The following VPS8 variants were observed in gnomAD, a reference collection of about 807,000 sequenced individuals.
VPS8 encodes VPS8 subunit of CORVET complex, also known as vacuolar protein sorting-associated protein 8 homolog.
A neutral mutation model predicts 216.4 loss-of-function variants in VPS8; 129 were observed. The observed-to-expected ratio is 0.60, with a 90% CI of 0.52 to 0.69. The LOEUF (loss-of-function observed/expected upper bound fraction) is 0.69, where lower values mean the gene tolerates loss of function less well. Among genes scored for constraint, VPS8 ranks in the 30% least tolerant of loss-of-function variants. VPS8 has a pLI of 0.00. For missense variants in VPS8, 1,531 were observed against 1,683.5 expected (o/e 0.91, Z 1.59); for synonymous variants, 571 against 565.4 (o/e 1.01, Z -0.14).
chr3:184,892,882 C>A (rs1732633066), intron 22 of VPS8, among the ~76,000 whole-genome samples: 1 of 152,156 alleles, frequency 6.6e-6, no homozygotes, highest in Non-Finnish European at 1.5e-5. Context: ...TTTAACAACA[C>A]ATTACAGAGT....
chr3:184,919,999 A>C, intron 28 of VPS8, 128 bp from the exon 29 acceptor site: 1 of 683,328 alleles, frequency 1.5e-6, no homozygotes, highest in Non-Finnish European at 2.4e-6. Flanking sequence ...GTATAAGACA[A>C]AACCTAATGA....
At chr3:184,847,877 G>C (rs945404125) in intron 8 of VPS8, among the ~76,000 whole-genome samples, 1 of 152,084 alleles carries the variant, frequency 6.6e-6, no homozygotes, top group Non-Finnish European at 1.5e-5. Context: ...TAATCTAATA[G>C]ATATTTGAAT....
intron 36 of VPS8, among the ~76,000 whole-genome samples, chr3:184,948,304 G>C (rs908676239): frequency 6.6e-6 from 1 of 150,584 alleles, no homozygotes; most frequent in South Asian, 2.1e-4. Flanking sequence ...TACAGGCCAA[G>C]AATTCAAGAC....
chr3:184,874,870 G>A (rs1728963825), intron 21 of VPS8, among the ~76,000 whole-genome samples: 2 of 152,232 alleles, frequency 1.3e-5, no homozygotes, highest in African/African-American at 2.4e-5. Flanking sequence ...GTAGAAGGCT[G>A]TCCTATGGGA....
Position 184,901,017 on chromosome 3 carries a change from G to A in VPS8, c.2146+45G>A, listed in dbSNP as rs375937035. The A allele has an allele frequency of 1.5e-4, 236 of 1,555,832 alleles. No homozygotes were observed. The African/African-American group carries it at 2.7e-3, about 18-fold the overall frequency. On this transcript the variant is annotated intron_variant, in intron 25 of 47. Coordinates refer to ENST00000625842, the MANE Select transcript of VPS8 (RefSeq NM_001009921.3). The stretch of plus-strand genomic sequence containing the variant: ...TAATTTTTTGCTTTCCTGTATTTAA[G>A]GTATTATTTAAATGTTACAAAATTG...
intron 42 of VPS8, among the ~76,000 whole-genome samples, chr3:184,983,771 C>T (rs1750592614): frequency 6.6e-6 from 1 of 151,388 alleles, no homozygotes; most frequent in African/African-American, 2.4e-5. Flanking sequence ...CATACATGTG[C>T]ATGCACCCCG....
chr3:184,893,749 A>G (rs1005556143), intron 22 of VPS8, among the ~76,000 whole-genome samples: 6 of 152,334 alleles, frequency 3.9e-5, no homozygotes, highest in Admixed American at 1.3e-4. Context: ...AAGCCCTTCA[A>G]ATGGGAAAGG....
At chr3:184,910,627 G>A (rs1736336492) in intron 25 of VPS8, among the ~76,000 whole-genome samples, 1 of 152,136 alleles carries the variant, frequency 6.6e-6, no homozygotes, top group South Asian at 2.1e-4. Context: ...GACAATTTGG[G>A]GATCTCTTCT....
intron 2 of VPS8, 129 bp downstream of exon 2, chr3:184,824,914 T>TC: frequency 1.1e-6 from 1 of 906,790 alleles, no homozygotes. Context: ...AATTTTTTTT[T>TC]TTTTTTTTGG....
intron 28 of VPS8, among the ~76,000 whole-genome samples, chr3:184,917,496 C>A (rs1397943797): frequency 6.6e-6 from 1 of 152,146 alleles, no homozygotes; most frequent in Non-Finnish European, 1.5e-5. Context: ...ATGGCATGAT[C>A]TCGGCTCACT....
At chr3:184,844,969 T>G (rs1010422089) in intron 8 of VPS8, among the ~76,000 whole-genome samples, 1 of 152,232 alleles carries the variant, frequency 6.6e-6, no homozygotes, top group African/African-American at 2.4e-5. Flanking sequence ...ATAGTCTCAT[T>G]TCATATTTCT....
intron 3 of VPS8, among the ~76,000 whole-genome samples, chr3:184,830,190 T>C (rs1214082348): frequency 2.6e-5 from 4 of 152,200 alleles, no homozygotes; most frequent in Non-Finnish European, 4.4e-5. Flanking sequence ...GTGTGAGCTA[T>C]GAGCCAGCAC....
At chr3:184,986,276 G>A (rs1280574047) in intron 42 of VPS8, among the ~76,000 whole-genome samples, 3 of 152,116 alleles carry the variant, frequency 2.0e-5, no homozygotes, top group Non-Finnish European at 4.4e-5. Flanking sequence ...CTTTTGGAAA[G>A]TTACAAGTTT....
intron 21 of VPS8, among the ~76,000 whole-genome samples, chr3:184,877,540 C>T (rs1012180585): frequency 1.1e-4 from 16 of 152,262 alleles, no homozygotes; most frequent in Non-Finnish European, 1.2e-4. Context: ...TGCCTGATGG[C>T]TATCTTATTT....
intron 11 of VPS8, 29 bp downstream of exon 11, chr3:184,852,596 A>G (rs1210432174): frequency 6.3e-7 from 1 of 1,599,684 alleles, no homozygotes; most frequent in African/African-American, 1.3e-5. Flanking sequence ...TTTGTTGACA[A>G]ATGAAAAGAC....
At chr3:185,002,629 A>G (rs1753569718) in intron 45 of VPS8, among the ~76,000 whole-genome samples, 1 of 152,040 alleles carries the variant, frequency 6.6e-6, no homozygotes, top group African/African-American at 2.4e-5. Context: ...CTGAGTCCCC[A>G]AAGTCCATTA....
chr3:184,966,470 C>T (rs1577008297), intron 38 of VPS8, among the ~76,000 whole-genome samples: 1 of 152,192 alleles, frequency 6.6e-6, no homozygotes, highest in African/African-American at 2.4e-5. Flanking sequence ...ATGAGTGCTA[C>T]TTGATCTTTG....
chr3:184,892,500 A>G (rs1233105645), intron 22 of VPS8, among the ~76,000 whole-genome samples: 3 of 152,224 alleles, frequency 2.0e-5, no homozygotes, highest in Non-Finnish European at 4.4e-5. Flanking sequence ...TACAGGCATG[A>G]GCCACTGCAC....
chr3:184,968,132 A>T lies in VPS8; in HGVS notation c.3316+1419A>T, dbSNP rs1180221382. On this transcript the variant is annotated intron_variant, in intron 39 of 47. Transcript: ENST00000625842. ...ATTACTCAAGTATCTCATATGAATG[A>T]AATTATATAGTGTTTGTCGTTTTGT... Among the ~76,000 whole-genome samples, 5 of 152,132 alleles carry T rather than the reference A, an allele frequency of 3.3e-5. No individual in the cohort carries two copies. The East Asian group carries it at 9.6e-4, about 29-fold the overall frequency.
Sources: gnomAD v4.1 joint callset for allele counts (sites outside exome capture counted in the v4.1 genomes callset) on GRCh38, gnomAD v4.1.1 for gene constraint, MANE v1.5 for transcripts, NCBI Gene and HGNC (gene_info 2026-07-23, HGNC 2026-07-21) for gene names.